The following ROBO2 variants were observed in gnomAD, a reference collection of about 807,000 sequenced individuals.
The protein encoded by ROBO2 is roundabout guidance receptor 2.
ROBO2 carries 53 observed loss-of-function variants against 160.8 expected under a neutral mutation model. The ratio of observed to expected loss-of-function variants is 0.33; its 90% confidence interval spans 0.26 to 0.41. The LOEUF is 0.41. Ranked by LOEUF, ROBO2 falls within the 10% of genes least tolerant of loss-of-function variation. ROBO2 has a pLI of 1.00. For missense variants in ROBO2, 1,577 were observed against 1,722.4 expected (o/e 0.92, Z 1.49); for synonymous variants, 664 against 611.7 (o/e 1.09, Z -1.26).
intron 2 of ROBO2, among the ~76,000 whole-genome samples, chr3:76,364,575 G>T (rs2075703424): frequency 6.6e-6 from 1 of 151,754 alleles, no homozygotes; most frequent in Non-Finnish European, 1.5e-5. Context: ...TAATTCATGA[G>T]ATTAAAAAAA....
intron 2 of ROBO2, among the ~76,000 whole-genome samples, chr3:76,658,640 T>C (rs1410899712): frequency 2.6e-5 from 4 of 152,206 alleles, no homozygotes; most frequent in African/African-American, 9.7e-5. Context: ...TCCAGCTTCA[T>C]CCATGTCTCT....
chr3:76,796,780 AAAG>A (rs2063732852), intron 2 of ROBO2, among the ~76,000 whole-genome samples: 1 of 152,122 alleles, frequency 6.6e-6, no homozygotes, highest in Admixed American at 6.5e-5. Flanking sequence ...AATGGAAACC[AAAG>A]AAGAGCAGGT....
At chr3:77,630,895 T>G (rs367941232) in intron 23 of ROBO2, 18 of 151,594 alleles carry the variant, frequency 1.2e-4, no homozygotes, top group African/African-American at 3.9e-4. Context: ...CAAATGTTTT[T>G]AAACTATCCT....
chr3:77,386,603 A>ATTTTT lies in ROBO2; in HGVS notation c.389-90798_389-90794dup, dbSNP rs71104679. Among the ~76,000 whole-genome samples the ATTTTT allele has an allele frequency of 3.9e-4, 36 of 91,898 alleles. 2 individuals carry two copies. The South Asian group carries it at 4.0e-3, about 10-fold the overall frequency. The allele number at this position is 91,898 out of a possible 152,430, so 60.3% of individuals were successfully genotyped here. A position where few individuals can be genotyped will look rare whatever the true frequency, so the allele number is the denominator to read the frequency against. ...AGTTAATTATTTTTTCAGCCAGGTA[A>ATTTTT]TTTTTTTTTTTTTTTTTGAAATAGA... is the stretch of plus-strand genomic sequence containing the variant. On this transcript the variant is annotated intron_variant, in intron 2 of 25. Coordinates refer to ENST00000461745, the Ensembl canonical transcript of ROBO2.
intron 2 of ROBO2, among the ~76,000 whole-genome samples, chr3:77,139,889 G>A (rs1487066880): frequency 6.6e-6 from 1 of 152,078 alleles, no homozygotes; most frequent in African/African-American, 2.4e-5. Context: ...AACCCCACAT[G>A]TCAGAGCCTA....
At chr3:77,259,434 GA>G (rs2058639067) in intron 2 of ROBO2, among the ~76,000 whole-genome samples, 1 of 152,036 alleles carries the variant, frequency 6.6e-6, no homozygotes. Context: ...AGTGAATAAA[GA>G]AATAAAAATA....
At chr3:76,278,656 C>T (rs889766903) in intron 2 of ROBO2, among the ~76,000 whole-genome samples, 5 of 151,880 alleles carry the variant, frequency 3.3e-5, no homozygotes, top group Admixed American at 1.3e-4. Flanking sequence ...GCATCTGGAA[C>T]CTGTCATTTT....
At chr3:76,212,619 T>A (rs1402617964) in intron 2 of ROBO2, among the ~76,000 whole-genome samples, 1 of 152,102 alleles carries the variant, frequency 6.6e-6, no homozygotes, top group Non-Finnish European at 1.5e-5. Flanking sequence ...TGCAATAAGA[T>A]CAGGACTAAC....
At chr3:76,110,496 T>C (rs1485737819) in intron 2 of ROBO2, among the ~76,000 whole-genome samples, 1 of 152,120 alleles carries the variant, frequency 6.6e-6, no homozygotes, top group Non-Finnish European at 1.5e-5. Context: ...TAGCAAATTC[T>C]GTGTATGAAA....
chr3:77,242,938 A>C (rs921842288), intron 2 of ROBO2, among the ~76,000 whole-genome samples: 1 of 151,462 alleles, frequency 6.6e-6, no homozygotes, highest in Non-Finnish European at 1.5e-5. Context: ...AAAAGGAAAG[A>C]GAGAGAGAGT....
chr3:76,468,791 T>C (rs1336678993), intron 2 of ROBO2, among the ~76,000 whole-genome samples: 2 of 152,102 alleles, frequency 1.3e-5, no homozygotes, highest in African/African-American at 4.8e-5. Context: ...CATTCCGTGC[T>C]GGATTTCCTG....
chr3:77,611,903 G>A (rs1367031525), intron 21 of ROBO2, among the ~76,000 whole-genome samples: 4 of 152,086 alleles, frequency 2.6e-5, no homozygotes. Flanking sequence ...ATGATTCCAG[G>A]AAGAATTCTA....
chr3:77,123,743 T>TATAG (rs10682582), intron 2 of ROBO2, among the ~76,000 whole-genome samples: 82,477 of 147,496 alleles, frequency 0.56, 23,502 homozygotes, highest in African/African-American at 0.66. Flanking sequence ...TATCTAGATA[T>TATAG]ATAATCTATA....
At chr3:77,590,534 A>G (rs765485316) in intron 17 of ROBO2, among the ~76,000 whole-genome samples, 8 of 152,158 alleles carry the variant, frequency 5.3e-5, no homozygotes, top group Non-Finnish European at 1.2e-4. Context: ...ATACACTCGT[A>G]TAAATCATAT....
intron 2 of ROBO2, among the ~76,000 whole-genome samples, chr3:77,249,909 T>C (rs1269845340): frequency 2.0e-5 from 3 of 151,728 alleles, no homozygotes; most frequent in Admixed American, 1.3e-4. Context: ...GTTTTTTTTT[T>C]CCTGATTTTC....
At chr3:76,048,984 A>G (rs892492211) in intron 2 of ROBO2, among the ~76,000 whole-genome samples, 3 of 152,196 alleles carry the variant, frequency 2.0e-5, no homozygotes, top group Non-Finnish European at 4.4e-5. Context: ...GCAACGCTAA[A>G]CAACATATTA....
intron 2 of ROBO2, among the ~76,000 whole-genome samples, chr3:76,046,922 G>A (rs1041280036): frequency 1.3e-5 from 2 of 152,114 alleles, no homozygotes; most frequent in Non-Finnish European, 2.9e-5. Context: ...ATTCGTCAAA[G>A]TATCCATTTG....
At chr3:76,336,828 C>T (rs1219301719) in intron 2 of ROBO2, among the ~76,000 whole-genome samples, 2 of 151,996 alleles carry the variant, frequency 1.3e-5, no homozygotes, top group Admixed American at 6.6e-5. Context: ...GAGCATTTAA[C>T]AGGAAGCTGG....
At chr3:76,272,554 T>C (rs927024346) in intron 2 of ROBO2, among the ~76,000 whole-genome samples, 1 of 149,770 alleles carries the variant, frequency 6.7e-6, no homozygotes, top group African/African-American at 2.5e-5. Flanking sequence ...TCCCAGCTAC[T>C]TGGGAGGCTA....
Sources: allele counts gnomAD v4.1 joint callset (sites outside exome capture counted in the v4.1 genomes callset), GRCh38; gene constraint gnomAD v4.1.1; transcripts MANE v1.5; gene names NCBI Gene and HGNC (gene_info 2026-07-23, HGNC 2026-07-21).